The following ANK3 variants were observed in gnomAD, a reference collection of about 807,000 sequenced individuals.
The protein encoded by ANK3 is ankyrin-3.
ANK3 carries 57 observed loss-of-function variants against 370.9 expected under a neutral mutation model. The observed-to-expected ratio is 0.15, with a 90% confidence interval of 0.12 to 0.19. ANK3 has a LOEUF of 0.19. ANK3 is among the 10% of genes least tolerant of loss of function. The pLI is 1.00. For synonymous variants in ANK3, 1,929 were observed against 1,946.3 expected (o/e 0.99, Z 0.23); for missense variants, 4,439 against 5,302.1 (o/e 0.84, Z 5.06).
Position 60,138,983 on chromosome 10 carries a change from G to A in ANK3, c.2719C>T (p.Leu907Phe). Residue 907 changes from leucine (L) to phenylalanine (F), a missense_variant, in exon 24 of 44, where the codon CTC (leucine) becomes TTC (phenylalanine). Leu to Phe is a conservative substitution (Grantham distance 22). Transcript: ENST00000280772. ...AAGTACCTGGCAGAACGCGCTCCGA[G>A]ACTAAAGCCCATGTAACCCTCTGCA... ...LPAEGYMGFS[L>F]GARSASLRSF... is the part of the protein sequence containing the mutation. 2 of 1,613,868 alleles carry A rather than the reference G, an allele frequency of 1.2e-6. No individual in the cohort carries two copies. Among genetic ancestry groups the A allele is most frequent in the African/African-American group, 2.7e-5 (2 of 74,990 alleles).
At chr10:60,326,813 C>A (rs979755303) in intron 1 of ANK3, among the ~76,000 whole-genome samples, 21 of 152,170 alleles carry the variant, frequency 1.4e-4, no homozygotes, top group Admixed American at 2.6e-4. Context: ...CGAGGTCAGG[C>A]TATCGAGACC....
chr10:60,166,182 C>T (rs2095619954), intron 23 of ANK3, among the ~76,000 whole-genome samples: 2 of 151,950 alleles, frequency 1.3e-5, no homozygotes, highest in East Asian at 3.9e-4. Context: ...GCAGAATGGG[C>T]AAATCTCAGG....
At chr10:60,371,253 A>G (rs1389636860) in intron 1 of ANK3, among the ~76,000 whole-genome samples, 1 of 152,164 alleles carries the variant, frequency 6.6e-6, no homozygotes, top group East Asian at 1.9e-4. Flanking sequence ...GCCAACAAAC[A>G]TATGAAAAAA....
rs184459461 is a variant in ANK3, at chr10:60,431,299, A to G, written c.97-151660T>C. On this transcript the variant is annotated intron_variant, in intron 2 of 43. Transcript: ENST00000373827. ...ACATAGTTCACAGTAGGGTTTGTGC[A>G]GTTCACAGCAGGGTTTGCTCAGTTC... Among the ~76,000 whole-genome samples, 63 of 152,218 alleles carry G rather than the reference A, an allele frequency of 4.1e-4. No individual in the cohort carries two copies. In the East Asian group the frequency reaches 0.012, roughly 29 times the overall value.
At chr10:60,575,931 G>T (rs2077676970) in intron 2 of ANK3, among the ~76,000 whole-genome samples, 1 of 152,134 alleles carries the variant, frequency 6.6e-6, no homozygotes, top group Non-Finnish European at 1.5e-5. Context: ...CCAAAGGTGT[G>T]CCAGTGCATT....
At position 60,088,164 on chromosome 10, in the gene ANK3, T is replaced by A; in HGVS notation, c.3523A>T (p.Ile1175Phe). ...SFPEGALTKR[I>F]RVGLQAQPVP... ...AACATTACCTGGAGGCCCACTCGAATTCTTTTAGTTAGGGCACCCTCTGGG... is the reference window on the plus strand; with the variant it reads ...AACATTACCTGGAGGCCCACTCGAAATCTTTTAGTTAGGGCACCCTCTGGG... Residue 1175 changes from isoleucine (I) to phenylalanine (F), a missense_variant, in exon 29 of 44, where the codon ATT becomes TTT. By Grantham distance (21) the Ile-to-Phe change is conservative. Transcript: ENST00000280772. 6.2e-7 allele frequency: 1 copy of A among 1,614,114 alleles called. No individual in the cohort carries two copies. The highest frequency in any genetic ancestry group is 8.5e-7 in the Non-Finnish European group (1 of 1,179,978).
chr10:60,562,547 G>A (rs1380139608), intron 2 of ANK3, among the ~76,000 whole-genome samples: 1 of 152,176 alleles, frequency 6.6e-6, no homozygotes, highest in Non-Finnish European at 1.5e-5. Context: ...CAGAGTAGCT[G>A]GGACTACAGG....
chr10:60,301,361 C>A (rs1426896446), intron 1 of ANK3, among the ~76,000 whole-genome samples: 2 of 144,018 alleles, frequency 1.4e-5, no homozygotes, highest in African/African-American at 5.2e-5. Flanking sequence ...CACATGCACG[C>A]ACAGATACAC....
At chr10:60,310,184 CA>C in intron 1 of ANK3, among the ~76,000 whole-genome samples, 1 of 152,204 alleles carries the variant, frequency 6.6e-6, no homozygotes, top group South Asian at 2.1e-4. Context: ...CTCGGCCTCC[CA>C]GAGTGGTGGG....
chr10:60,307,498 ATTT>A (rs199758262), intron 1 of ANK3, among the ~76,000 whole-genome samples: 1 of 143,388 alleles, frequency 7.0e-6, no homozygotes. Context: ...ATGCCTGGCT[ATTT>A]TTTTTTTTTT....
intron 1 of ANK3, among the ~76,000 whole-genome samples, chr10:60,305,946 A>G (rs555866248): frequency 2.0e-5 from 3 of 152,300 alleles, no homozygotes; most frequent in South Asian, 2.1e-4. Flanking sequence ...TTTGATGACA[A>G]TAATACGCCC....
chr10:60,649,460 G>A (rs2078758139), intron 1 of ANK3, among the ~76,000 whole-genome samples: 1 of 152,072 alleles, frequency 6.6e-6, no homozygotes, highest in East Asian at 1.9e-4. Context: ...AGTATCTTAA[G>A]ATGAAATACC....
chr10:60,569,481 T>G (rs1412356483), intron 2 of ANK3, among the ~76,000 whole-genome samples: 1 of 152,130 alleles, frequency 6.6e-6, no homozygotes, highest in African/African-American at 2.4e-5. Context: ...ATAACTAGCA[T>G]AAGTTGACAT....
At chr10:60,264,071 T>A in intron 5 of ANK3, 51 bp from the exon 6 acceptor site, 9 of 1,482,876 alleles carry the variant, frequency 6.1e-6, no homozygotes, top group Non-Finnish European at 8.2e-6. Flanking sequence ...ATTTTCTTTT[T>A]TATTAAATTA....
intron 12 of ANK3, among the ~76,000 whole-genome samples, chr10:60,201,816 A>G (rs1172215261): frequency 6.7e-6 from 1 of 148,956 alleles, no homozygotes; most frequent in South Asian, 2.1e-4. Flanking sequence ...AGTTCAAGTG[A>G]TTCTCGTGCC....
At chr10:60,491,795 G>A (rs10994383) in intron 2 of ANK3, among the ~76,000 whole-genome samples, 19,826 of 152,058 alleles carry the variant, frequency 0.13, 1,517 homozygotes, top group African/African-American at 0.21. Context: ...TTTACTCCTT[G>A]GTACCTCTGA....
At chr10:60,122,977 C>T (rs1565156648) in intron 25 of ANK3, among the ~76,000 whole-genome samples, 1 of 152,130 alleles carries the variant, frequency 6.6e-6, no homozygotes. Context: ...ACTTACTGTG[C>T]ATCAGTTCAA....
At chr10:60,360,230 C>T (rs1375008578) in intron 1 of ANK3, among the ~76,000 whole-genome samples, 1 of 152,058 alleles carries the variant, frequency 6.6e-6, no homozygotes, top group Non-Finnish European at 1.5e-5. Context: ...CCTGTTTTGA[C>T]CAAAATCTGA....
In ANK3 at chr10:60,086,838, T is replaced by C. The variant is rs1241439588; in HGVS notation, c.3587A>G (p.Lys1196Arg). 6.2e-7 allele frequency: 1 copy of C among 1,614,060 alleles called. No individual in the cohort carries two copies. Among genetic ancestry groups the C allele is most frequent in the Admixed American group, 1.7e-5 (1 of 60,008 alleles). ...DEIVKKILGN[K>R]ATFSPIVTVE... ...AGTGACAATTGGGCTAAAAGTTGCTTTGTTTCCAAGGATCTTTTTCACAAT... is the reference window on the plus strand; with the variant it reads ...AGTGACAATTGGGCTAAAAGTTGCTCTGTTTCCAAGGATCTTTTTCACAAT... Residue 1196 changes from lysine to arginine, a missense_variant, in exon 30 of 44, where the codon AAA becomes AGA. Physicochemically the swap from Lys to Arg is conservative, Grantham distance 26. Transcript: ENST00000280772.
Sources: gnomAD v4.1 joint callset for allele counts (sites outside exome capture counted in the v4.1 genomes callset) on GRCh38, gnomAD v4.1.1 for gene constraint, MANE v1.5 for transcripts, NCBI Gene and HGNC (gene_info 2026-07-23, HGNC 2026-07-21) for gene names.